TFRC: variants seen among roughly 807,000 people sequenced by gnomAD.
TFRC encodes the protein transferrin receptor protein 1.
In TFRC, 35 loss-of-function variants were observed where a neutral mutation model predicts 85.8. The observed-to-expected ratio is 0.41, with a 90% CI of 0.31 to 0.54. TFRC has a LOEUF of 0.54. TFRC is among the 20% of genes least tolerant of loss of function. The pLI is 0.31. For synonymous variants in TFRC, 362 were observed against 328.6 expected, an observed-to-expected ratio of 1.10 and a Z score of -1.10; for missense variants, 828 against 921.5, an observed-to-expected ratio of 0.90 and a Z score of 1.31.
At chr3:196,060,783 G>A (rs1717210006) in intron 13 of TFRC, among the ~76,000 whole-genome samples, 1 of 106,628 alleles carries the variant, frequency 9.4e-6, no homozygotes, top group African/African-American at 3.7e-5. Flanking sequence ...GGGTGACAAA[G>A]CGAGACTCCA....
intron 11 of TFRC, 139 bp from the exon 12 acceptor site, chr3:196,063,078 G>T: frequency 1.5e-5 from 7 of 470,860 alleles, no homozygotes; most frequent in African/African-American, 4.2e-5. Context: ...AGCCAAAAAA[G>T]AAAAAAAAAA....
At chr3:196,071,373 A>G (rs1718188626) in intron 6 of TFRC, 23 bp downstream of exon 6, 7 of 1,579,630 alleles carry the variant, frequency 4.4e-6, no homozygotes, top group East Asian at 4.5e-5. Context: ...GAAGAGTCTC[A>G]TGCACTGTTT....
In TFRC at chr3:196,049,831, A is replaced by T. The variant is rs1716163994; in HGVS notation, c.*2111T>A. ...AAAGATAAAACTGAAGATTAAAGAG[A>T]CTGTGAGTAGTGACACATTCAAGTG... On this transcript the variant is annotated 3_prime_UTR_variant, in exon 19 of 19. Transcript: ENST00000360110. 4.3e-6 allele frequency: 1 copy of T among 230,834 alleles called. No individual in the cohort carries two copies. The highest frequency in any genetic ancestry group is 2.2e-5 in the African/African-American group (1 of 45,220). The allele number at this position is 230,834 out of a possible 1,614,324, so 14.3% of individuals were successfully genotyped here. A position where few individuals can be genotyped will look rare whatever the true frequency, so the allele number is the denominator to read the frequency against.
At chr3:196,060,080 T>A (rs1717144365) in intron 14 of TFRC, 100 bp downstream of exon 14, 27 of 912,600 alleles carry the variant, frequency 3.0e-5, no homozygotes, top group Non-Finnish European at 4.5e-5. Flanking sequence ...TCAATTCCTA[T>A]TTTTTGTTAC....
At chr3:196,069,416 A>C in intron 7 of TFRC, 39 bp downstream of exon 7, 1 of 1,231,274 alleles carries the variant, frequency 8.1e-7, no homozygotes, top group Non-Finnish European at 1.2e-6. Flanking sequence ...GTAAGATACC[A>C]AAAGTACTGT....
chr3:196,055,358 C>T (rs1485517454), intron 16 of TFRC, 57 bp from the exon 17 acceptor site: 3 of 1,472,808 alleles, frequency 2.0e-6, no homozygotes, highest in Non-Finnish European at 2.8e-6. Flanking sequence ...AAGAGCCTCA[C>T]ATTCTGGCTT....
intron 2 of TFRC, among the ~76,000 whole-genome samples, chr3:196,076,025 C>A (rs888974749): frequency 2.8e-4 from 43 of 151,642 alleles, no homozygotes; most frequent in African/African-American, 9.7e-4. Flanking sequence ...GTAATCTCAG[C>A]CACCCAGGAG....
chr3:196,067,087 T>C (rs1047933093), intron 9 of TFRC, among the ~76,000 whole-genome samples: 7 of 152,212 alleles, frequency 4.6e-5, no homozygotes, highest in Non-Finnish European at 8.8e-5. Flanking sequence ...TCTCAATCTA[T>C]AGACAAGGTA....
chr3:196,077,155 AT>A, intron 1 of TFRC, 33 bp from the exon 2 acceptor site: 1 of 1,489,976 alleles, frequency 6.7e-7, no homozygotes, highest in Non-Finnish European at 9.3e-7. Flanking sequence ...ATTGAGAAAG[AT>A]ACTACTGTAT....
chr3:196,070,616 G>A (rs910137073), intron 6 of TFRC, among the ~76,000 whole-genome samples: 1 of 151,470 alleles, frequency 6.6e-6, no homozygotes, highest in Non-Finnish European at 1.5e-5. Context: ...GTGTTAATTT[G>A]ACTATATTTG....
At chr3:196,056,002 C>T (rs1716758784) in intron 16 of TFRC, among the ~76,000 whole-genome samples, 1 of 151,894 alleles carries the variant, frequency 6.6e-6, no homozygotes, top group African/African-American at 2.4e-5. Flanking sequence ...CGAGGCCTCT[C>T]TCTGTCACCC....
chr3:196,070,469 G>C (rs1007500994), intron 6 of TFRC, among the ~76,000 whole-genome samples: 17 of 151,948 alleles, frequency 1.1e-4, no homozygotes, highest in Non-Finnish European at 8.8e-5. Flanking sequence ...TGTTGGCCAG[G>C]CTGGTAGCTC....
chr3:196,081,553 G>C (rs982876102), intron 1 of TFRC, among the ~76,000 whole-genome samples: 2 of 152,330 alleles, frequency 1.3e-5, no homozygotes, highest in Admixed American at 1.3e-4. Context: ...GAGCAGCCAC[G>C]TGTTCCCCCG....
chr3:196,063,724 C>T (rs1170475747), intron 11 of TFRC, among the ~76,000 whole-genome samples: 1 of 152,088 alleles, frequency 6.6e-6, no homozygotes, highest in Admixed American at 6.6e-5. Flanking sequence ...GGAGACTAGC[C>T]TGGCCAACAT....
intron 10 of TFRC, 125 bp downstream of exon 10, chr3:196,065,318 T>G (rs1438570788): frequency 1.1e-5 from 6 of 547,406 alleles, no homozygotes; most frequent in African/African-American, 4.1e-5. Flanking sequence ...CAGACAAGAT[T>G]GAGCACTTCA....
In TFRC at chr3:196,049,681, T is replaced by C. The variant is rs1577208302; in HGVS notation, c.*2261A>G. The C allele has an allele frequency of 4.4e-6, 1 of 229,568 alleles. No individual in the cohort carries two copies. Among genetic ancestry groups the C allele is most frequent in the Non-Finnish European group, 8.6e-6 (1 of 115,816 alleles). 14.2% of individuals were successfully genotyped at this position (229,568 alleles called of 1,614,324 possible). A position where few individuals can be genotyped will look rare whatever the true frequency, so the allele number is the denominator to read the frequency against. On this transcript the variant is annotated 3_prime_UTR_variant, in exon 19 of 19. Coordinates refer to ENST00000360110, the MANE Select transcript of TFRC (RefSeq NM_001128148.3). ...ATGCATGCCCTGTATTCATATTGTG[T>C]TATACGATGAACATGCCACATGCTT...
intron 6 of TFRC, 69 bp downstream of exon 6, chr3:196,071,327 A>G: frequency 1.4e-6 from 2 of 1,453,698 alleles, no homozygotes; most frequent in South Asian, 1.2e-5. Flanking sequence ...ATAACTCCTA[A>G]GAACAGAAAA....
Position 196,065,551 on chromosome 3 carries a change from T to C in TFRC, c.1090A>G (p.Arg364Gly). ...PSDWKTDSTC[R>G]MVTSESKNVK... Reference sequence around the variant, plus strand: ...TTCTTGCTTTCTGAGGTTACCATCCTACATGTAGAGTCTGTTTTCCAGTCA... The same window carrying C: ...TTCTTGCTTTCTGAGGTTACCATCCCACATGTAGAGTCTGTTTTCCAGTCA... Residue 364 changes from arginine (R) to glycine (G), a missense_variant, in exon 10 of 19, where the codon AGG becomes GGG. Physicochemically the swap from Arg to Gly is moderately radical, Grantham distance 125. Coordinates refer to ENST00000360110, the MANE Select transcript of TFRC (RefSeq NM_001128148.3). The C allele has an allele frequency of 2.5e-6, 4 of 1,612,182 alleles. No homozygotes were observed. Among genetic ancestry groups the C allele is most frequent in the Non-Finnish European group, 3.4e-6 (4 of 1,179,396 alleles).
chr3:196,058,317 A>G lies in TFRC; in HGVS notation c.1644T>C (p.Ser548=), dbSNP rs1716985731. 1.2e-6 allele frequency: 2 copies of G among 1,614,122 alleles called. No homozygotes were observed. Among genetic ancestry groups the G allele is most frequent in the African/African-American group, 2.7e-5 (2 of 75,054 alleles). The change falls in exon 16 of 19, where the codon TCT becomes TCC. Residue 548 remains serine, a synonymous_variant. Transcript: ENST00000360110. The part of the protein sequence containing the change: ...DNAAFPFLAY[S]GIPAVSFCFC... ...AACAGAAAGAAACTGCTGGGATTCC[A>G]GAATATGCAAGGAAAGGGAAAGCAG... is the stretch of plus-strand genomic sequence containing the variant.
Sources: allele counts gnomAD v4.1 joint callset (sites outside exome capture counted in the v4.1 genomes callset), GRCh38; gene constraint gnomAD v4.1.1; transcripts MANE v1.5; gene names NCBI Gene and HGNC (gene_info 2026-07-23, HGNC 2026-07-21).